CFAP58: variants seen among roughly 807,000 people sequenced by gnomAD.
CFAP58 encodes the protein cilia and flagella associated protein 58.
A neutral mutation model predicts 119.5 loss-of-function variants in CFAP58; 88 were observed. The observed-to-expected ratio is 0.74, with a 90% CI of 0.62 to 0.88. CFAP58 has a LOEUF of 0.88. Among genes scored for constraint, CFAP58 ranks in the 40% least tolerant of loss-of-function variants. The probability of loss-of-function intolerance (pLI) is 0.00; values close to 1 mark genes in which losing one functional copy is unlikely to be tolerated. For synonymous variants in CFAP58, 365 were observed against 366.3 expected (o/e 1.00, Z 0.04); for missense variants, 990 against 1,021.2 (o/e 0.97, Z 0.42).
Position 104,360,751 on chromosome 10 carries a change from G to A in CFAP58, c.292-1272G>A, listed in dbSNP as rs149605390. Among the ~76,000 whole-genome samples, 200 of 152,240 alleles carry A rather than the reference G, an allele frequency of 1.3e-3. 1 individual carries two copies. The highest frequency in any genetic ancestry group is 4.6e-3 in the African/African-American group (193 of 41,528). ...ATGTGGTATTTGGTTGTCATTTCCT[G>A]TGTTAGTTTGCTAAGGATAATGGAC... is the stretch of plus-strand genomic sequence containing the variant. On this transcript the variant is annotated intron_variant, in intron 2 of 17. Transcript: ENST00000369704.
At position 104,376,845 on chromosome 10, in the gene CFAP58, CAGAA is replaced by C. The variant is rs764037746; in HGVS notation, c.1128_1131del (p.Lys377GlnfsTer6). 14 of 1,613,506 alleles carry C rather than the reference CAGAA, an allele frequency of 8.7e-6. No homozygotes were observed. Among genetic ancestry groups the C allele is most frequent in the Non-Finnish European group, 1.2e-5 (14 of 1,179,786 alleles). ...CTTCAAAGAAACAAGCAGAACTTGA[CAGAA>C]AGGCAATGGACGAGCTTCTAAGAGA... On this transcript the variant is annotated frameshift_variant, in exon 8 of 18. Transcript: ENST00000369704. LOFTEE classifies it high-confidence loss of function.
rs570716932 is a variant in CFAP58, at chr10:104,358,602, A to G, written c.271A>G (p.Thr91Ala). 2 of 1,612,600 alleles carry G rather than the reference A, an allele frequency of 1.2e-6. No individual in the cohort carries two copies. The highest frequency in any genetic ancestry group is 1.7e-6 in the Non-Finnish European group (2 of 1,178,956). ...TAAGCTCTCTCAGGATGATCAGACC[A>G]CCATTGCATCCCTAAAGAAGGTCAG... is the stretch of plus-strand genomic sequence containing the variant. ...ALKLSQDDQTTIASLKKEIEK... is the reference protein window; with the variant it reads ...ALKLSQDDQTAIASLKKEIEK... The change falls in exon 2 of 18, where the codon ACC (threonine) becomes GCC (alanine). Residue 91 changes from threonine to alanine, a missense_variant. Physicochemically the swap from Thr to Ala is moderately conservative, Grantham distance 58 (BLOSUM62 0). Transcript: ENST00000369704.
intron 15 of CFAP58, among the ~76,000 whole-genome samples, chr10:104,432,259 T>C (rs771149648): frequency 2.0e-5 from 3 of 152,204 alleles, no homozygotes; most frequent in Admixed American, 6.5e-5. Flanking sequence ...CTATCCTTAA[T>C]ATATAAAAAG....
the CFAP58 span, among the ~76,000 whole-genome samples, chr10:104,341,547 A>G: frequency 6.6e-6 from 1 of 151,736 alleles, no homozygotes; most frequent in Non-Finnish European, 1.5e-5. Flanking sequence ...CATATAAAAA[A>G]CCTCAATGAT....
chr10:104,404,305 C>G (rs982920854), intron 14 of CFAP58, among the ~76,000 whole-genome samples: 3 of 152,140 alleles, frequency 2.0e-5, no homozygotes, highest in African/African-American at 7.2e-5. Context: ...TTAGCCAAGC[C>G]CTTTCTCTTA....
intron 8 of CFAP58, 61 bp downstream of exon 8, chr10:104,376,954 C>A: frequency 7.6e-7 from 1 of 1,312,956 alleles, no homozygotes; most frequent in Non-Finnish European, 1.1e-6. Flanking sequence ...TAATATCTGG[C>A]TATAGCCAGT....
intron 17 of CFAP58, 112 bp from the exon 18 acceptor site, chr10:104,454,310 A>T: frequency 1.2e-6 from 1 of 831,774 alleles, no homozygotes; most frequent in Non-Finnish European, 2.0e-6. Flanking sequence ...GTCTAAAACT[A>T]GAAGCTGTAA....
intron 15 of CFAP58, among the ~76,000 whole-genome samples, chr10:104,420,147 T>C (rs991025868): frequency 2.5e-4 from 38 of 151,470 alleles, no homozygotes; most frequent in Middle Eastern, 3.4e-3. Context: ...TTTTTACGAT[T>C]GTGTTCAGCT....
intron 17 of CFAP58, among the ~76,000 whole-genome samples, chr10:104,451,337 G>A (rs1273611542): frequency 5.3e-5 from 8 of 152,080 alleles, no homozygotes; most frequent in Non-Finnish European, 7.4e-5. Flanking sequence ...ATACTCCCCC[G>A]TTCCACATTT....
At chr10:104,424,200 A>G (rs76181326) in intron 15 of CFAP58, among the ~76,000 whole-genome samples, 2,512 of 152,286 alleles carry the variant, frequency 0.016, 36 homozygotes, top group South Asian at 0.054. Context: ...GGAGCTGCCT[A>G]TATGCCTGGG....
intron 15 of CFAP58, 95 bp downstream of exon 15, chr10:104,406,888 T>A: frequency 1.1e-6 from 1 of 918,474 alleles, no homozygotes; most frequent in Non-Finnish European, 1.7e-6. Flanking sequence ...CAGCATTGCA[T>A]GTCCTGTATT....
At chr10:104,388,532 G>A (rs1278789107) in intron 9 of CFAP58, among the ~76,000 whole-genome samples, 8 of 152,294 alleles carry the variant, frequency 5.3e-5, no homozygotes, top group African/African-American at 1.9e-4. Flanking sequence ...CATTTCGCAA[G>A]CCAGGGCGCA....
intron 17 of CFAP58, among the ~76,000 whole-genome samples, chr10:104,452,047 G>A (rs1350667421): frequency 2.0e-5 from 3 of 151,966 alleles, no homozygotes; most frequent in Admixed American, 1.3e-4. Context: ...CCAGTAAAAC[G>A]TTTTTGAACT....
Position 104,354,618 on chromosome 10 carries a change from T to TTC in CFAP58, c.9+712_9+713insTC, listed in dbSNP as rs2014516045. On this transcript the variant is annotated intron_variant, in intron 1 of 17. Coordinates refer to ENST00000369704, the MANE Select transcript of CFAP58 (RefSeq NM_001008723.2). ...CTTGCCATTCACAGTCCCCATCCAC[T>TTC]ATGGCCCTACCCAAATCCTTCATGG... Among the ~76,000 whole-genome samples, 6 of 152,024 alleles carry TTC rather than the reference T, an allele frequency of 3.9e-5. No homozygotes were observed. In the South Asian group the frequency reaches 1.2e-3, roughly 32 times the overall value.
intron 1 of CFAP58, among the ~76,000 whole-genome samples, chr10:104,357,845 G>GCACACATATA (rs1186343784): frequency 9.8e-5 from 9 of 91,502 alleles, no homozygotes; most frequent in Non-Finnish European, 1.5e-4. Context: ...GTACACATAT[G>GCACACATATA]TACACATATA....
At chr10:104,351,299 A>T (rs747014810), upstream of CFAP58, among the ~76,000 whole-genome samples, 2 of 152,234 alleles carry the variant, frequency 1.3e-5, no homozygotes, top group Non-Finnish European at 2.9e-5. Context: ...GTCACTGCAC[A>T]GTTGCCAGTT....
chr10:104,367,151 AC>A (rs543969489), intron 5 of CFAP58, among the ~76,000 whole-genome samples: 1,526 of 152,218 alleles, frequency 0.01, 32 homozygotes, highest in African/African-American at 0.035. Context: ...GAGCCACCGC[AC>A]CCAGCCGACA....
chr10:104,452,706 C>T (rs2013214460), intron 17 of CFAP58, among the ~76,000 whole-genome samples: 1 of 152,200 alleles, frequency 6.6e-6, no homozygotes, highest in Admixed American at 6.5e-5. Context: ...ATTTCAAGTG[C>T]TTTAACAGCC....
At chr10:104,434,037 C>G (rs939191056) in intron 15 of CFAP58, among the ~76,000 whole-genome samples, 2 of 152,136 alleles carry the variant, frequency 1.3e-5, no homozygotes, top group Non-Finnish European at 2.9e-5. Context: ...TAGAGTCACA[C>G]TGGCCTGGGT....
Sources: allele counts gnomAD v4.1 joint callset (sites outside exome capture counted in the v4.1 genomes callset), GRCh38; gene constraint gnomAD v4.1.1; transcripts MANE v1.5; gene names NCBI Gene and HGNC (gene_info 2026-07-23, HGNC 2026-07-21).